COLQ: variants seen among roughly 807,000 people sequenced by gnomAD.
The protein encoded by COLQ is acetylcholinesterase collagenic tail peptide.
Under a neutral mutation model 69.0 loss-of-function variants are expected in COLQ, and 48 were observed. That is an observed-to-expected ratio of 0.70 (90% confidence interval 0.55 to 0.88). COLQ has a LOEUF of 0.88. Among genes scored for constraint, COLQ ranks in the 40% least tolerant of loss-of-function variants. The pLI is 0.00. For synonymous variants in COLQ, 217 were observed against 211.2 expected (o/e 1.03, Z -0.24); for missense variants, 618 against 594.6 (o/e 1.04, Z -0.41).
chr3:15,488,185 G>C (rs776445202), intron 3 of COLQ, 21 bp downstream of exon 3: 98 of 1,566,008 alleles, frequency 6.3e-5, no homozygotes, highest in Admixed American at 4.8e-4. Flanking sequence ...CAGCGAGAGG[G>C]GTCCGGTAGA....
intron 10 of COLQ, among the ~76,000 whole-genome samples, chr3:15,472,126 A>G (rs1336940124): frequency 6.6e-6 from 1 of 152,212 alleles, no homozygotes; most frequent in Non-Finnish European, 1.5e-5. Context: ...TAAAAGGGGA[A>G]GACAACTCTT....
At chr3:15,453,154 T>A (rs1020867632) in intron 16 of COLQ, among the ~76,000 whole-genome samples, 2 of 152,204 alleles carry the variant, frequency 1.3e-5, no homozygotes, top group Non-Finnish European at 2.9e-5. Flanking sequence ...GTGGTTACAA[T>A]CTGGGCATGG....
At chr3:15,465,184 T>A (rs536689882) in intron 12 of COLQ, among the ~76,000 whole-genome samples, 2 of 148,836 alleles carry the variant, frequency 1.3e-5, no homozygotes, top group African/African-American at 4.9e-5. Flanking sequence ...GAAAACAACA[T>A]ACAAGGAAGC....
chr3:15,478,802 G>T, intron 5 of COLQ, 175 bp downstream of exon 5: 4 of 769,338 alleles, frequency 5.2e-6, no homozygotes, highest in Admixed American at 2.1e-5. Context: ...GAACAAAGAA[G>T]TTGACAGAAA....
chr3:15,489,201 T>TTTGAGCATGGAA (rs1373760327), intron 2 of COLQ, among the ~76,000 whole-genome samples: 2 of 152,200 alleles, frequency 1.3e-5, no homozygotes, highest in African/African-American at 2.4e-5. Flanking sequence ...AAATTCCATG[T>TTTGAGCATGGAA]TTGAGCAGCT....
At chr3:15,503,324 C>T (rs1013022104) in intron 1 of COLQ, among the ~76,000 whole-genome samples, 5 of 152,162 alleles carry the variant, frequency 3.3e-5, no homozygotes, top group African/African-American at 1.2e-4. Context: ...TGTGAAGTAG[C>T]TGCATTTCCC....
chr3:15,493,722 TCACCAGCTCAA>T (rs1287348011), intron 1 of COLQ, among the ~76,000 whole-genome samples: 1 of 152,208 alleles, frequency 6.6e-6, no homozygotes, highest in Non-Finnish European at 1.5e-5. Context: ...TCAGGGTCTG[TCACCAGCTCAA>T]CAGAGGCTGT....
chr3:15,493,173 C>T (rs746912273), intron 1 of COLQ, among the ~76,000 whole-genome samples: 1 of 152,256 alleles, frequency 6.6e-6, no homozygotes, highest in East Asian at 1.9e-4. Context: ...GGAAGTCATG[C>T]ATACTTGAGC....
intron 3 of COLQ, among the ~76,000 whole-genome samples, chr3:15,486,924 C>G (rs1159314593): frequency 6.6e-6 from 1 of 152,196 alleles, no homozygotes; most frequent in Non-Finnish European, 1.5e-5. Context: ...CACAACTACT[C>G]AACTCTGCCT....
intron 1 of COLQ, chr3:15,496,147 C>T (rs1406506056): frequency 7.9e-5 from 12 of 152,632 alleles, no homozygotes. Context: ...TTGGAGACCT[C>T]TTCAGTGACC....
chr3:15,490,293 T>C (rs1203790949), intron 1 of COLQ, among the ~76,000 whole-genome samples: 1 of 152,204 alleles, frequency 6.6e-6, no homozygotes, highest in Non-Finnish European at 1.5e-5. Context: ...ATGTTCAATG[T>C]TGAAGTATGC....
rs1226475179 is a variant in COLQ at position 15,457,164 on chromosome 3, CTTAAG to C, written c.955-590_955-586del. On this transcript the variant is annotated intron_variant, in intron 13 of 16. Coordinates refer to ENST00000383788, the MANE Select transcript of COLQ (RefSeq NM_005677.4). ...TTAAATATTTAAAACGTTCCCAAGA[CTTAAG>C]TTAAAAGGCAATGTCATATAGTCAA... 2.6e-5 allele frequency among the ~76,000 whole-genome samples: 4 copies of C among 151,978 alleles called. No homozygotes were observed. The East Asian group carries it at 7.7e-4, about 29-fold the overall frequency.
intron 1 of COLQ, among the ~76,000 whole-genome samples, chr3:15,497,771 A>G (rs1037761244): frequency 6.6e-6 from 1 of 152,174 alleles, no homozygotes; most frequent in Non-Finnish European, 1.5e-5. Flanking sequence ...CTTTGACTTT[A>G]TTGTAGTGAG....
Position 15,451,551 on chromosome 3 carries a change from G to T in COLQ, c.*93C>A. The T allele has an allele frequency of 1.7e-6, 2 of 1,143,928 alleles. No homozygotes were observed. The highest frequency in any genetic ancestry group is 2.7e-6 in the Non-Finnish European group (2 of 750,366). The allele number at this position is 1,143,928 out of a possible 1,614,324, so 70.9% of individuals were successfully genotyped here. On this transcript the variant is annotated 3_prime_UTR_variant, in exon 17 of 17. Transcript: ENST00000383788. ...TCCTTGTTTTTGTCACACAAAGGTT[G>T]GTGGAGACGGGGCCAGGACATGGCC...
chr3:15,508,492 A>G (rs1279168053), intron 1 of COLQ, among the ~76,000 whole-genome samples: 1 of 152,228 alleles, frequency 6.6e-6, no homozygotes, highest in Non-Finnish European at 1.5e-5. Context: ...ACAAGTAGCC[A>G]AGCATATTGT....
Position 15,466,497 on chromosome 3 carries a change from A to G in COLQ, c.718-60T>C, listed in dbSNP as rs962352750. The G allele has an allele frequency of 5.7e-6, 8 of 1,399,162 alleles. No individual in the cohort carries two copies. In the African/African-American group the frequency reaches 9.9e-5, roughly 17 times the overall value. The allele number at this position is 1,399,162 out of a possible 1,614,324, so 86.7% of individuals were successfully genotyped here. A position where few individuals can be genotyped will look rare whatever the true frequency, so the allele number is the denominator to read the frequency against. On this transcript the variant is annotated intron_variant, in intron 11 of 16. Transcript: ENST00000383788. ...CATGACATAGCAAGCTTCCCGCCCC[A>G]TTTATCACCAAATCAGAGATCACCT...
At position 15,477,288 on chromosome 3, in the gene COLQ, G is replaced by A. The variant is rs2062395945; in HGVS notation, c.394-91C>T. 36 of 1,209,188 alleles carry A rather than the reference G, an allele frequency of 3.0e-5. No homozygotes were observed. In the South Asian group the frequency reaches 3.7e-4, roughly 12 times the overall value. The allele number at this position is 1,209,188 out of a possible 1,614,324, so 74.9% of individuals were successfully genotyped here. A position where few individuals can be genotyped will look rare whatever the true frequency, so the allele number is the denominator to read the frequency against. ...TTGTCTCTGGGGCCCAGAGGAGACA[G>A]TGGGTTCTCTAGGCATGGCTACTAT... On this transcript the variant is annotated intron_variant, in intron 5 of 16. Coordinates refer to ENST00000383788, the MANE Select transcript of COLQ (RefSeq NM_005677.4).
chr3:15,490,564 G>A (rs1361765661), intron 1 of COLQ, among the ~76,000 whole-genome samples: 2 of 152,198 alleles, frequency 1.3e-5, no homozygotes, highest in Non-Finnish European at 1.5e-5. Flanking sequence ...AGTGTCTATG[G>A]AAATCATCTA....
intron 12 of COLQ, among the ~76,000 whole-genome samples, chr3:15,465,610 CTTTTTTT>C (rs71045163): frequency 5.3e-5 from 5 of 94,750 alleles, no homozygotes; most frequent in Non-Finnish European, 7.7e-5. Context: ...CTTTCTACAT[CTTTTTTT>C]TTTTTTTTTT....
Sources: allele counts gnomAD v4.1 joint callset (sites outside exome capture counted in the v4.1 genomes callset), GRCh38; gene constraint gnomAD v4.1.1; transcripts MANE v1.5; gene names NCBI Gene and HGNC (gene_info 2026-07-23, HGNC 2026-07-21).